Variants in SMAD1 observed in about 807,000 individuals in gnomAD.
The protein encoded by SMAD1 is SMAD family member 1.
Under a neutral mutation model 41.6 loss-of-function variants are expected in SMAD1, and 6 were observed. The observed-to-expected ratio is 0.14, with a 90% CI of 0.08 to 0.28. SMAD1 has a LOEUF of 0.28. SMAD1 is among the 10% of genes least tolerant of loss of function. The pLI is 1.00. For missense variants in SMAD1, 379 were observed against 582.6 expected (o/e 0.65, Z 3.60); for synonymous variants, 206 against 203.2 (o/e 1.01, Z -0.12).
chr4:145,555,079 GTGTT>G (rs892511542), intron 6 of SMAD1, among the ~76,000 whole-genome samples: 54 of 152,088 alleles, frequency 3.6e-4, no homozygotes, highest in African/African-American at 8.7e-4. Context: ...TTGTTTTTGT[GTGTT>G]TGTTTGTTTG....
At chr4:145,506,663 T>A (rs577113833) in intron 1 of SMAD1, among the ~76,000 whole-genome samples, 1 of 152,214 alleles carries the variant, frequency 6.6e-6, no homozygotes, top group South Asian at 2.1e-4. Context: ...AAAACAATTA[T>A]ATCTTCATAT....
At chr4:145,496,579 A>G (rs963746657) in intron 1 of SMAD1, among the ~76,000 whole-genome samples, 4 of 152,162 alleles carry the variant, frequency 2.6e-5, no homozygotes, top group Non-Finnish European at 5.9e-5. Context: ...TTTCTCAACC[A>G]AAAGTGGATA....
At chr4:145,548,391 C>T (rs760412193) in intron 5 of SMAD1, among the ~76,000 whole-genome samples, 1 of 151,930 alleles carries the variant, frequency 6.6e-6, no homozygotes, top group Non-Finnish European at 1.5e-5. Context: ...CCACCACACT[C>T]GGCTAATTTT....
chr4:145,489,492 CAAAAA>C (rs1392754647), intron 1 of SMAD1, among the ~76,000 whole-genome samples: 2 of 150,742 alleles, frequency 1.3e-5, no homozygotes, highest in African/African-American at 2.5e-5. Context: ...TAAAATAAAA[CAAAAA>C]ACCATGAAGG....
Position 145,558,942 on chromosome 4 carries a change from T to C in SMAD1, c.*1008T>C, listed in dbSNP as rs543317327. 4.6e-5 allele frequency among the ~76,000 whole-genome samples: 7 copies of C among 152,310 alleles called. No homozygotes were observed. In the East Asian group the frequency reaches 1.3e-3, roughly 29 times the overall value. ...AGGCTTTAATTTTCAAGTGAATTTTTTGCCAAACTTAGTAACTCTGTTAAA... is the reference window on the plus strand; with the variant it reads ...AGGCTTTAATTTTCAAGTGAATTTTCTGCCAAACTTAGTAACTCTGTTAAA... On this transcript the variant is annotated 3_prime_UTR_variant, in exon 7 of 7. Transcript: ENST00000302085.
intron 2 of SMAD1, among the ~76,000 whole-genome samples, chr4:145,520,673 T>G (rs1180513085): frequency 6.6e-6 from 1 of 152,208 alleles, no homozygotes; most frequent in African/African-American, 2.4e-5. Flanking sequence ...TGGGATAAGT[T>G]GTCTTTAAGT....
At chr4:145,525,067 C>T (rs1578790580) in intron 2 of SMAD1, among the ~76,000 whole-genome samples, 1 of 152,164 alleles carries the variant, frequency 6.6e-6, no homozygotes, top group East Asian at 1.9e-4. Context: ...GTGGGAGTGC[C>T]CGGTGGCCTT....
At chr4:145,500,908 C>T (rs1306119079) in intron 1 of SMAD1, among the ~76,000 whole-genome samples, 1 of 151,958 alleles carries the variant, frequency 6.6e-6, no homozygotes, top group Admixed American at 6.6e-5. Flanking sequence ...TCTGCCTAAC[C>T]CAGTGGATTG....
intron 2 of SMAD1, among the ~76,000 whole-genome samples, chr4:145,524,798 A>G (rs1730940423): frequency 6.6e-6 from 1 of 152,192 alleles, no homozygotes; most frequent in Non-Finnish European, 1.5e-5. Context: ...ACGAAAAAAA[A>G]AAAAAGTGAC....
At chr4:145,506,425 C>G (rs1039385680) in intron 1 of SMAD1, among the ~76,000 whole-genome samples, 3 of 152,008 alleles carry the variant, frequency 2.0e-5, no homozygotes, top group Non-Finnish European at 4.4e-5. Context: ...TTTTTTCCCC[C>G]AGTCACTTTT....
chr4:145,515,100 G>C, intron 2 of SMAD1, 87 bp downstream of exon 2: 6 of 1,271,674 alleles, frequency 4.7e-6, no homozygotes, highest in Non-Finnish European at 6.5e-6. Flanking sequence ...CCCTTTGCTT[G>C]TTTTTAGTTG....
At chr4:145,483,375 A>G (rs1728302653) in intron 1 of SMAD1, among the ~76,000 whole-genome samples, 2 of 152,216 alleles carry the variant, frequency 1.3e-5, no homozygotes, top group African/African-American at 4.8e-5. Context: ...CCTGTTGTGG[A>G]TAACTTGCCC....
intron 1 of SMAD1, among the ~76,000 whole-genome samples, chr4:145,489,847 C>T (rs190835140): frequency 1.7e-3 from 253 of 152,116 alleles, no homozygotes; most frequent in African/African-American, 5.7e-3. Flanking sequence ...TTGGAGCCCA[C>T]GGTTAGGAAT....
At chr4:145,491,014 A>G (rs968960393) in intron 1 of SMAD1, among the ~76,000 whole-genome samples, 2 of 152,160 alleles carry the variant, frequency 1.3e-5, no homozygotes, top group East Asian at 1.9e-4. Flanking sequence ...GATTTATGCC[A>G]CTGGGGGGAG....
chr4:145,482,247 T>G lies in SMAD1; in HGVS notation c.-177+209T>G, dbSNP rs1728223883. On this transcript the variant is annotated intron_variant, in intron 1 of 6. Transcript: ENST00000302085. This position sits in a 1 kb window ranked among gnomAD's most constrained non-coding sequence, Gnocchi z 4.2. ...GACCCCCCCCCCCCATGATGGCGCC[T>G]CCCGTCTGCTCGGAGGAGCGAACCT... is the stretch of plus-strand genomic sequence containing the variant. Among the ~76,000 whole-genome samples the G allele has an allele frequency of 1.5e-5, 2 of 131,552 alleles. No individual in the cohort carries two copies. Among genetic ancestry groups the G allele is most frequent in the Non-Finnish European group, 1.6e-5 (1 of 60,890 alleles). 86.3% of individuals were successfully genotyped at this position (131,552 alleles called of 152,430 possible).
At chr4:145,536,566 G>GTT (rs1731626206) in intron 2 of SMAD1, among the ~76,000 whole-genome samples, 1 of 152,120 alleles carries the variant, frequency 6.6e-6, no homozygotes, top group South Asian at 2.1e-4. Context: ...ACTGATGACT[G>GTT]TTATATATAG....
rs1376786053 is a variant in SMAD1, at chr4:145,558,432, G to A, written c.*498G>A. On this transcript the variant is annotated 3_prime_UTR_variant, in exon 7 of 7. Transcript: ENST00000302085. The stretch of plus-strand genomic sequence containing the variant: ...TTTAGCGATGGTTTTGTTCGTTTAA[G>A]TAAAGGTTAATCTTGATGATATACA... 6.6e-6 allele frequency among the ~76,000 whole-genome samples: 1 copy of A among 152,174 alleles called. No individual in the cohort carries two copies. The highest frequency in any genetic ancestry group is 1.5e-5 in the Non-Finnish European group (1 of 68,026).
intron 2 of SMAD1, among the ~76,000 whole-genome samples, chr4:145,535,311 T>C (rs1392822597): frequency 6.6e-6 from 1 of 152,184 alleles, no homozygotes; most frequent in Admixed American, 6.5e-5. Context: ...CATTTACCCA[T>C]TCACCCAGCA....
At chr4:145,542,743 T>C in intron 4 of SMAD1, 45 bp downstream of exon 4, 1 of 1,280,180 alleles carries the variant, frequency 7.8e-7, no homozygotes, top group Non-Finnish European at 1.1e-6. Context: ...GTCTAAAGTT[T>C]GTCCAGATGT....
Sources: gnomAD v4.1 joint callset for allele counts (sites outside exome capture counted in the v4.1 genomes callset) on GRCh38, gnomAD v4.1.1 for gene constraint, Gnocchi (gnomAD v3.1) non-coding constraint, MANE v1.5 for transcripts, NCBI Gene and HGNC (gene_info 2026-07-23, HGNC 2026-07-21) for gene names.